Variants in CFAP95 observed in about 807,000 individuals in gnomAD.
CFAP95 encodes cilia and flagella associated protein 95.
At chr9:69,826,927 A>G in the CFAP95 span, among the ~76,000 whole-genome samples, 3 of 152,200 alleles carry the variant, frequency 2.0e-5, no homozygotes. Flanking sequence ...AAAAGACTAC[A>G]GTATAGTACA....
chr9:69,838,778 G>T, the CFAP95 span, among the ~76,000 whole-genome samples: 5 of 125,922 alleles, frequency 4.0e-5, no homozygotes, highest in African/African-American at 1.2e-4. Context: ...TGTTGAATAG[G>T]AGTGGTGAGA....
chr9:69,840,654 G>A, the CFAP95 span, among the ~76,000 whole-genome samples: 1 of 152,108 alleles, frequency 6.6e-6, no homozygotes, highest in Non-Finnish European at 1.5e-5. Context: ...AGAGCATATA[G>A]TAAAGACATA....
the CFAP95 span, among the ~76,000 whole-genome samples, chr9:69,825,144 A>G: frequency 6.6e-6 from 1 of 152,190 alleles, no homozygotes; most frequent in Non-Finnish European, 1.5e-5. Flanking sequence ...AAATTTTAAT[A>G]TCTTTTATTA....
the CFAP95 span, among the ~76,000 whole-genome samples, chr9:69,898,787 A>G: frequency 1.3e-5 from 2 of 152,290 alleles, no homozygotes; most frequent in South Asian, 4.1e-4. Context: ...CATCTGTCCC[A>G]CAGCACTACC....
chr9:69,868,067 T>G, the CFAP95 span, among the ~76,000 whole-genome samples: 4 of 152,196 alleles, frequency 2.6e-5, no homozygotes, highest in Non-Finnish European at 4.4e-5. Flanking sequence ...TCTTCTGATA[T>G]TAAGCCTATA....
the CFAP95 span, among the ~76,000 whole-genome samples, chr9:69,871,176 A>T: frequency 6.6e-6 from 1 of 152,046 alleles, no homozygotes; most frequent in Admixed American, 6.5e-5. Context: ...TGAGATCGCC[A>T]CACTGCATTC....
At chr9:69,885,203 A>G in the CFAP95 span, 8 of 152,232 alleles carry the variant, frequency 5.3e-5, no homozygotes, top group Non-Finnish European at 1.2e-4. Context: ...CAGCTCAGCC[A>G]TGCGTTAAAA....
the CFAP95 span, among the ~76,000 whole-genome samples, chr9:69,823,018 G>A: frequency 7.9e-5 from 12 of 152,138 alleles, no homozygotes; most frequent in Admixed American, 1.3e-4. Context: ...AGCTGTATGA[G>A]TACATTTTCA....
At chr9:69,827,926 C>T in the CFAP95 span, among the ~76,000 whole-genome samples, 16 of 152,246 alleles carry the variant, frequency 1.1e-4, no homozygotes, top group East Asian at 5.8e-4. Flanking sequence ...GGAAAGAGAG[C>T]GAGCAGATGC....
chr9:69,878,584 A>G, the CFAP95 span, among the ~76,000 whole-genome samples: 20 of 152,124 alleles, frequency 1.3e-4, no homozygotes, highest in African/African-American at 4.8e-4. Context: ...TATTTGCTTT[A>G]CTGTTGACCT....
At chr9:69,892,168 C>T in the CFAP95 span, among the ~76,000 whole-genome samples, 3 of 151,940 alleles carry the variant, frequency 2.0e-5, no homozygotes, top group Non-Finnish European at 2.9e-5. Context: ...TAAGTACATT[C>T]CTGTTGTTAT....
the CFAP95 span, among the ~76,000 whole-genome samples, chr9:69,825,862 C>G: frequency 1.3e-5 from 2 of 152,144 alleles, no homozygotes; most frequent in Non-Finnish European, 2.9e-5. Flanking sequence ...TCATTGGGAT[C>G]TCCATGGAGA....
chr9:69,838,666 T>A, the CFAP95 span, among the ~76,000 whole-genome samples: 9 of 152,184 alleles, frequency 5.9e-5, no homozygotes, highest in East Asian at 1.7e-3. Context: ...TATATAATCA[T>A]GTCGTCTGCA....
the CFAP95 span, among the ~76,000 whole-genome samples, chr9:69,879,355 A>G: frequency 6.6e-6 from 1 of 152,278 alleles, no homozygotes; most frequent in East Asian, 1.9e-4. Context: ...AATAGTAGAA[A>G]GGAGAGCTTT....
chr9:69,891,046 C>A, the CFAP95 span, among the ~76,000 whole-genome samples: 2 of 152,082 alleles, frequency 1.3e-5, no homozygotes, highest in Non-Finnish European at 2.9e-5. Context: ...CCATCATTTC[C>A]CAAAGAACCA....
chr9:69,880,366 G>A, the CFAP95 span, among the ~76,000 whole-genome samples: 56 of 152,088 alleles, frequency 3.7e-4, 1 homozygote, highest in East Asian at 0.01. Context: ...GAGTTCAGTT[G>A]TTTTGGTTTG....
At chr9:69,848,886 A>G in the CFAP95 span, among the ~76,000 whole-genome samples, 1 of 152,206 alleles carries the variant, frequency 6.6e-6, no homozygotes. Context: ...GAGTCACCAG[A>G]AACGCCCCGG....
At chr9:69,845,308 G>A in the CFAP95 span, among the ~76,000 whole-genome samples, 1 of 152,116 alleles carries the variant, frequency 6.6e-6, no homozygotes, top group African/African-American at 2.4e-5. Flanking sequence ...CCCCCAAATT[G>A]GGTCCTACAA....
At chr9:69,828,418 C>T in the CFAP95 span, among the ~76,000 whole-genome samples, 3 of 152,218 alleles carry the variant, frequency 2.0e-5, no homozygotes, top group African/African-American at 4.8e-5. Flanking sequence ...AGCTCACTCA[C>T]GCCTGTAATC....
Sources: gnomAD v4.1 joint callset for allele counts (sites outside exome capture counted in the v4.1 genomes callset) on GRCh38, gnomAD v4.1.1 for gene constraint, MANE v1.5 for transcripts, NCBI Gene and HGNC (gene_info 2026-07-23, HGNC 2026-07-21) for gene names.